The following TBC1D12 variants were observed in gnomAD, a reference collection of about 807,000 sequenced individuals.
The protein encoded by TBC1D12 is TBC1 domain family, member 12.
In TBC1D12, 56 loss-of-function variants were observed where a neutral mutation model predicts 86.7. The observed-to-expected ratio is 0.65, with a 90% CI of 0.52 to 0.81. The LOEUF is 0.81. Ranked by LOEUF, TBC1D12 falls within the 30% of genes least tolerant of loss-of-function variation. The pLI, the probability that TBC1D12 is intolerant of heterozygous loss-of-function variation, is 0.00. For missense variants in TBC1D12, 1,023 were observed against 1,038.8 expected, an observed-to-expected ratio of 0.98 and a Z score of 0.21; for synonymous variants, 421 against 411.7, an observed-to-expected ratio of 1.02 and a Z score of -0.27.
chr10:94,487,468 T>A (rs932469977), intron 3 of TBC1D12, among the ~76,000 whole-genome samples: 1 of 151,932 alleles, frequency 6.6e-6, no homozygotes, highest in African/African-American at 2.4e-5. Context: ...CTTTTTATTT[T>A]GTGTTGTCAT....
chr10:94,515,541 G>T (rs1460467275), intron 9 of TBC1D12, among the ~76,000 whole-genome samples: 9 of 151,478 alleles, frequency 5.9e-5, no homozygotes, highest in Admixed American at 3.3e-4. Context: ...TAGAGACGGG[G>T]TTTCACTGTG....
intron 6 of TBC1D12, among the ~76,000 whole-genome samples, chr10:94,504,280 A>G (rs997898974): frequency 6.6e-6 from 1 of 152,230 alleles, no homozygotes; most frequent in Non-Finnish European, 1.5e-5. Flanking sequence ...GATAACTTAG[A>G]CATTAAAATA....
chr10:94,530,796 C>A (rs1842400764), intron 11 of TBC1D12, among the ~76,000 whole-genome samples: 1 of 150,784 alleles, frequency 6.6e-6, no homozygotes, highest in South Asian at 2.1e-4. Flanking sequence ...GTTGTAAATT[C>A]ACATAATTTT....
Position 94,518,813 on chromosome 10 carries a change from G to A in TBC1D12, c.1762-3142G>A, listed in dbSNP as rs111600035. 8.1e-3 allele frequency among the ~76,000 whole-genome samples: 1,233 copies of A among 152,222 alleles called. 13 individuals carry two copies. The highest frequency in any genetic ancestry group is 0.028 in the African/African-American group (1,169 of 41,524). ...TTCCGGGCTGGACACGGTGGCTCAC[G>A]CCTGTAATCCCAGCACCTTAGGAGG... On this transcript the variant is annotated intron_variant, in intron 9 of 12. Coordinates refer to ENST00000225235, the MANE Select transcript of TBC1D12 (RefSeq NM_015188.2).
At chr10:94,432,491 T>A (rs1470347962) in intron 1 of TBC1D12, among the ~76,000 whole-genome samples, 1 of 152,200 alleles carries the variant, frequency 6.6e-6, no homozygotes, top group African/African-American at 2.4e-5. Flanking sequence ...TTATAAATAG[T>A]GTTTGTGGCA....
intron 1 of TBC1D12, among the ~76,000 whole-genome samples, chr10:94,422,180 A>G (rs2055082960): frequency 6.9e-6 from 1 of 144,952 alleles, no homozygotes; most frequent in Admixed American, 6.9e-5. Flanking sequence ...CTTAGGGTTC[A>G]TGTAGTTTTT....
intron 1 of TBC1D12, among the ~76,000 whole-genome samples, chr10:94,408,238 G>A (rs1362556553): frequency 6.6e-6 from 1 of 152,120 alleles, no homozygotes; most frequent in South Asian, 2.1e-4. Context: ...CATTGCTAAG[G>A]TAGGGAAGGA....
Position 94,533,346 on chromosome 10 carries a change from T to C in TBC1D12, c.*250T>C, listed in dbSNP as rs538115728. On this transcript the variant is annotated 3_prime_UTR_variant, in exon 13 of 13. Coordinates refer to ENST00000225235, the MANE Select transcript of TBC1D12 (RefSeq NM_015188.2). ...AAAAGTTTAAGTGGTGAGTTTATAT[T>C]CCACAATTTGGAGTAAACAAAATGC... 1.7e-5 allele frequency: 5 copies of C among 292,220 alleles called. No homozygotes were observed. The South Asian group carries it at 4.3e-4, about 25-fold the overall frequency. The allele number at this position is 292,220 out of a possible 1,614,324, so 18.1% of individuals were successfully genotyped here.
At chr10:94,416,062 T>G (rs915555856) in intron 1 of TBC1D12, among the ~76,000 whole-genome samples, 11 of 152,180 alleles carry the variant, frequency 7.2e-5, no homozygotes, top group Admixed American at 7.2e-4. Context: ...CACTGGAACA[T>G]AAACTTTTGA....
intron 2 of TBC1D12, among the ~76,000 whole-genome samples, chr10:94,467,654 TC>T (rs2055844637): frequency 8.0e-6 from 1 of 124,396 alleles, no homozygotes; most frequent in Non-Finnish European, 1.8e-5. Flanking sequence ...CCACTCCCCC[TC>T]TTTTTTTTAA....
At chr10:94,430,755 G>C (rs2055205227) in intron 1 of TBC1D12, among the ~76,000 whole-genome samples, 1 of 152,178 alleles carries the variant, frequency 6.6e-6, no homozygotes, top group Non-Finnish European at 1.5e-5. Context: ...GTATTAGTAG[G>C]CCTTTTCCCC....
intron 12 of TBC1D12, among the ~76,000 whole-genome samples, chr10:94,532,202 G>A (rs1842451980): frequency 7.3e-6 from 1 of 136,582 alleles, no homozygotes; most frequent in Non-Finnish European, 1.6e-5. Context: ...TTTTGAGACG[G>A]AGTCTCACTC....
chr10:94,414,451 A>C (rs753469596), intron 1 of TBC1D12, among the ~76,000 whole-genome samples: 7 of 152,176 alleles, frequency 4.6e-5, no homozygotes, highest in Non-Finnish European at 5.9e-5. Context: ...GATTATTTCC[A>C]TATTTTTCTA....
chr10:94,446,604 G>T (rs2055465919), intron 2 of TBC1D12, among the ~76,000 whole-genome samples: 3 of 152,022 alleles, frequency 2.0e-5, no homozygotes, highest in East Asian at 3.9e-4. Flanking sequence ...TGCCCAGGCT[G>T]GCCTCAAACT....
intron 6 of TBC1D12, among the ~76,000 whole-genome samples, chr10:94,501,230 C>T (rs2056392175): frequency 6.6e-6 from 1 of 152,048 alleles, no homozygotes; most frequent in Non-Finnish European, 1.5e-5. Flanking sequence ...AGGTGGATTG[C>T]CTGAGCTCAG....
At chr10:94,425,352 T>G (rs2055131863) in intron 1 of TBC1D12, among the ~76,000 whole-genome samples, 1 of 152,184 alleles carries the variant, frequency 6.6e-6, no homozygotes, top group Non-Finnish European at 1.5e-5. Context: ...TCTATACATG[T>G]GATAAAACTT....
At chr10:94,504,275 CTT>C (rs758926464) in intron 6 of TBC1D12, among the ~76,000 whole-genome samples, 1 of 152,152 alleles carries the variant, frequency 6.6e-6, no homozygotes, top group Non-Finnish European at 1.5e-5. Flanking sequence ...ATCTTGATAA[CTT>C]AGACATTAAA....
At chr10:94,506,041 A>AT (rs34002367) in intron 6 of TBC1D12, among the ~76,000 whole-genome samples, 98,860 of 148,412 alleles carry the variant, frequency 0.67, 33,031 homozygotes, top group East Asian at 0.83. Flanking sequence ...ACTTTTTGAA[A>AT]TTTTTTTTTT....
At chr10:94,469,383 C>T (rs2055869571) in intron 2 of TBC1D12, among the ~76,000 whole-genome samples, 1 of 151,126 alleles carries the variant, frequency 6.6e-6, no homozygotes, top group African/African-American at 2.4e-5. Flanking sequence ...TTATTGTACA[C>T]GTGTAGATCA....
Sources: allele counts gnomAD v4.1 joint callset (sites outside exome capture counted in the v4.1 genomes callset), GRCh38; gene constraint gnomAD v4.1.1; transcripts MANE v1.5; gene names NCBI Gene and HGNC (gene_info 2026-07-23, HGNC 2026-07-21).